Variants in SORCS2 observed in about 807,000 individuals in gnomAD.
The protein encoded by SORCS2 is VPS10 domain-containing receptor SorCS2.
In SORCS2, 100 loss-of-function variants were observed where a neutral mutation model predicts 141.6. The observed-to-expected ratio is 0.71, with a 90% CI of 0.60 to 0.83. SORCS2 has a LOEUF of 0.83. Among genes scored for constraint, SORCS2 ranks in the 40% least tolerant of loss-of-function variants. SORCS2 has a pLI of 0.00. For missense variants in SORCS2, 1,646 were observed against 1,560.2 expected, an observed-to-expected ratio of 1.05 and a Z score of -0.93; for synonymous variants, 789 against 676.9, an observed-to-expected ratio of 1.17 and a Z score of -2.57.
chr4:7,726,720 C>G, intron 20 of SORCS2, 60 bp from the exon 21 acceptor site: 1 of 1,581,176 alleles, frequency 6.3e-7, no homozygotes, highest in Middle Eastern at 1.7e-4. Flanking sequence ...CATAGGCCAG[C>G]GTCCCCCACG....
chr4:7,680,746 A>T (rs763172760), intron 9 of SORCS2, among the ~76,000 whole-genome samples: 1 of 152,204 alleles, frequency 6.6e-6, no homozygotes. Flanking sequence ...GCCTGTGTTG[A>T]TAAGACCTGG....
intron 1 of SORCS2, among the ~76,000 whole-genome samples, chr4:7,213,281 A>T (rs1728155218): frequency 6.6e-6 from 1 of 152,088 alleles, no homozygotes; most frequent in African/African-American, 2.4e-5. Context: ...CCATGGAGCC[A>T]CTACAGTGAC....
At chr4:7,474,888 G>A (rs1172676179) in intron 2 of SORCS2, among the ~76,000 whole-genome samples, 6 of 152,176 alleles carry the variant, frequency 3.9e-5, no homozygotes, top group Admixed American at 3.9e-4. Flanking sequence ...GTTCCCTTCT[G>A]GCTGTCCCAC....
chr4:7,639,705 ATGTG>A (rs1316404113), intron 4 of SORCS2, among the ~76,000 whole-genome samples: 2 of 134,862 alleles, frequency 1.5e-5, no homozygotes, highest in East Asian at 2.3e-4. Flanking sequence ...CTGTGTGTGA[ATGTG>A]TGTTCACCTG....
intron 1 of SORCS2, among the ~76,000 whole-genome samples, chr4:7,339,407 C>G (rs1410875618): frequency 6.6e-6 from 1 of 152,208 alleles, no homozygotes. Flanking sequence ...ACGGGCAGTT[C>G]TGGAGGCCGG....
rs576213004 is a variant in SORCS2, at chr4:7,356,373, T to A, written c.481-39915T>A. 3.9e-5 allele frequency among the ~76,000 whole-genome samples: 6 copies of A among 152,316 alleles called. 1 individual carries two copies. In the South Asian group the frequency reaches 1.2e-3, roughly 32 times the overall value. On this transcript the variant is annotated intron_variant, in intron 1 of 26. Transcript: ENST00000507866. ...TGTTTGGGGGCTGGGAAGTCCAAGG[T>A]CAAGGCTCTGGCTGAGTTTCTGGTT...
intron 1 of SORCS2, among the ~76,000 whole-genome samples, chr4:7,370,146 T>G (rs952155659): frequency 6.6e-6 from 1 of 152,196 alleles, no homozygotes; most frequent in African/African-American, 2.4e-5. Context: ...CCCTTTTTTT[T>G]GCTCAATCCC....
intron 8 of SORCS2, among the ~76,000 whole-genome samples, chr4:7,672,556 A>AT (rs1673773377): frequency 6.6e-6 from 1 of 152,226 alleles, no homozygotes; most frequent in African/African-American, 2.4e-5. Context: ...GAATACATCT[A>AT]TTTACCTTAT....
chr4:7,432,184 A>C (rs1726915467), intron 2 of SORCS2: 1 of 152,244 alleles, frequency 6.6e-6, no homozygotes, highest in Non-Finnish European at 1.5e-5. Context: ...TGGAGGCACC[A>C]GGGTAAGGTG....
intron 2 of SORCS2, among the ~76,000 whole-genome samples, chr4:7,485,061 GA>G (rs1217946629): frequency 6.6e-6 from 1 of 152,200 alleles, no homozygotes; most frequent in Non-Finnish European, 1.5e-5. Flanking sequence ...TTGAGTGAAT[GA>G]ACAAGAGATG....
At chr4:7,344,373 A>T (rs745660781) in intron 1 of SORCS2, among the ~76,000 whole-genome samples, 1 of 152,188 alleles carries the variant, frequency 6.6e-6, no homozygotes, top group East Asian at 1.9e-4. Flanking sequence ...ATGACAGGAA[A>T]CCAGGCGCCC....
intron 2 of SORCS2, among the ~76,000 whole-genome samples, chr4:7,452,203 C>T (rs1196961865): frequency 6.6e-6 from 1 of 151,932 alleles, no homozygotes; most frequent in African/African-American, 2.4e-5. Flanking sequence ...TGCAGTGGCA[C>T]GATCTTGGCT....
chr4:7,504,152 G>A (rs1239464826), intron 2 of SORCS2, among the ~76,000 whole-genome samples: 5 of 152,228 alleles, frequency 3.3e-5, no homozygotes, highest in Admixed American at 3.3e-4. Flanking sequence ...GCTCTCAGAA[G>A]CTCCTTGCTC....
At chr4:7,654,881 G>C (rs557495019) in intron 5 of SORCS2, among the ~76,000 whole-genome samples, 1 of 152,184 alleles carries the variant, frequency 6.6e-6, no homozygotes. Flanking sequence ...CCTGTGTTCC[G>C]ATGGTGGGTA....
At chr4:7,420,782 A>G (rs1185864166) in intron 2 of SORCS2, among the ~76,000 whole-genome samples, 1 of 152,010 alleles carries the variant, frequency 6.6e-6, no homozygotes. Context: ...CTTAGACCTT[A>G]TCCACCATGC....
intron 2 of SORCS2, among the ~76,000 whole-genome samples, chr4:7,397,794 C>A (rs1724312874): frequency 6.6e-6 from 1 of 152,174 alleles, no homozygotes; most frequent in African/African-American, 2.4e-5. Context: ...AGGGAGGGCG[C>A]CTTCACTGCT....
intron 2 of SORCS2, chr4:7,433,536 C>T (rs376358775): frequency 5.0e-6 from 8 of 1,609,820 alleles, no homozygotes; most frequent in African/African-American, 1.3e-5. Flanking sequence ...TCTCAATGAG[C>T]ACGGGCTCGT....
chr4:7,460,865 G>A (rs576910308), intron 2 of SORCS2, among the ~76,000 whole-genome samples: 84 of 152,246 alleles, frequency 5.5e-4, no homozygotes, highest in African/African-American at 1.9e-3. Flanking sequence ...TGAAGCCTGG[G>A]CCGTGCATCG....
At chr4:7,240,402 C>A (rs770307984) in intron 1 of SORCS2, among the ~76,000 whole-genome samples, 2 of 152,184 alleles carry the variant, frequency 1.3e-5, no homozygotes, top group Admixed American at 1.3e-4. Context: ...TGATACGTAA[C>A]GCGGGGCCAT....
Sources: allele counts gnomAD v4.1 joint callset (sites outside exome capture counted in the v4.1 genomes callset), GRCh38; gene constraint gnomAD v4.1.1; transcripts MANE v1.5; gene names NCBI Gene and HGNC (gene_info 2026-07-23, HGNC 2026-07-21).